Variants in MARCKS observed in about 807,000 individuals in gnomAD.
MARCKS encodes the protein myristoylated alanine-rich C-kinase substrate.
In MARCKS, 4 loss-of-function variants were observed where a neutral mutation model predicts 6.3. The observed-to-expected ratio is 0.63, with a 90% CI of 0.31 to 1.45. The LOEUF (loss-of-function observed/expected upper bound fraction) is 1.45, where lower values mean the gene tolerates loss of function less well. MARCKS is among the 40% of genes most tolerant of loss of function. The pLI is 0.07. For synonymous variants in MARCKS, 289 were observed against 236.5 expected, an observed-to-expected ratio of 1.22 and a Z score of -2.04; for missense variants, 636 against 485.7, an observed-to-expected ratio of 1.31 and a Z score of -2.91.
At chr6:113,859,567 T>C in intron 1 of MARCKS, 116 bp from the exon 2 acceptor site, 1 of 892,554 alleles carries the variant, frequency 1.1e-6, no homozygotes, top group Non-Finnish European at 1.5e-6. Flanking sequence ...GGGGGTGGGG[T>C]CTCGATGGCC....
intron 1 of MARCKS, 24 bp from the exon 2 acceptor site, chr6:113,859,659 G>A: frequency 1.4e-6 from 2 of 1,469,910 alleles, no homozygotes; most frequent in East Asian, 3.0e-5. Flanking sequence ...CTTCAGTGAC[G>A]CTCCCGCTTT....
chr6:113,862,787 T>A lies in MARCKS; in HGVS notation c.*2208T>A, dbSNP rs1774922474. On this transcript the variant is annotated 3_prime_UTR_variant, in exon 2 of 2. Coordinates refer to ENST00000612661, the MANE Select transcript of MARCKS (RefSeq NM_002356.7). ...GGAATAATGGATCAAAAATAGTGGT[T>A]CATGACCTTACCAAACACCCTTGCT... 6.6e-6 allele frequency: 1 copy of A among 152,152 alleles called. No individual in the cohort carries two copies. Among genetic ancestry groups the A allele is most frequent in the Non-Finnish European group, 1.5e-5 (1 of 67,978 alleles). The allele number at this position is 152,152 out of a possible 1,614,324, so 9.4% of individuals were successfully genotyped here.
In MARCKS at chr6:113,860,401, C is replaced by T. The variant is rs3734458; in HGVS notation, c.821C>T (p.Ala274Val). ...VEEKKAEEAG[A>V]SAAACEAPSA... ...GAGAAAAAGGCCGAGGAGGCCGGGG[C>T]CAGCGCCGCCGCCTGCGAGGCCCCC... Residue 274 changes from alanine to valine, a missense_variant, in exon 2 of 2, where the codon GCC becomes GTC. Transcript: ENST00000612661. 3.6e-4 allele frequency: 442 copies of T among 1,210,966 alleles called. 22 individuals carry two copies. The East Asian group carries it at 0.026, about 72-fold the overall frequency. The allele number at this position is 1,210,966 out of a possible 1,614,324, so 75.0% of individuals were successfully genotyped here. A position where few individuals can be genotyped will look rare whatever the true frequency, so the allele number is the denominator to read the frequency against.
At chr6:113,859,156 C>T (rs1214189518) in intron 1 of MARCKS, among the ~76,000 whole-genome samples, 2 of 152,176 alleles carry the variant, frequency 1.3e-5, no homozygotes. Context: ...CTCGGAGGGC[C>T]CCGCGCGGGC....
Position 113,857,647 on chromosome 6 carries a change from G to T in MARCKS, c.-99G>T. On this transcript the variant is annotated 5_prime_UTR_variant, in exon 1 of 2. Transcript: ENST00000612661. ...TGTGTGTGCCGCTGCCGCTGTTGCC[G>T]CCGCCGCTGCTGCTGCTGCTCGCCC... 1 of 667,310 alleles carries T rather than the reference G, an allele frequency of 1.5e-6. No individual in the cohort carries two copies. The highest frequency in any genetic ancestry group is 2.3e-6 in the Non-Finnish European group (1 of 429,704). 41.3% of individuals were successfully genotyped at this position (667,310 alleles called of 1,614,324 possible).
Position 113,859,867 on chromosome 6 carries a change from C to T in MARCKS, c.287C>T (p.Pro96Leu). 4.5e-6 allele frequency: 6 copies of T among 1,347,408 alleles called. No homozygotes were observed. Among genetic ancestry groups the T allele is most frequent in the Non-Finnish European group, 5.7e-6 (6 of 1,050,948 alleles). The allele number at this position is 1,347,408 out of a possible 1,614,324, so 83.5% of individuals were successfully genotyped here. Residue 96 changes from proline to leucine, a missense_variant, in exon 2 of 2, where the codon CCC becomes CTC. By Grantham distance (98) the Pro-to-Leu change is moderately conservative. Coordinates refer to ENST00000612661, the MANE Select transcript of MARCKS (RefSeq NM_002356.7). ...GGTGAGCCGGCCGCCGCCGCTGCCCCCGAGGCCGGGGCCAGCCCGGTAGAG... is the reference window on the plus strand; with the variant it reads ...GGTGAGCCGGCCGCCGCCGCTGCCCTCGAGGCCGGGGCCAGCCCGGTAGAG... ...EKGEPAAAAA[P>L]EAGASPVEKE...
chr6:113,859,863 GCCC>G lies in MARCKS; in HGVS notation c.286_288del (p.Pro96del), dbSNP rs1000062533. On this transcript the variant is annotated inframe_deletion, in exon 2 of 2. Coordinates refer to ENST00000612661, the MANE Select transcript of MARCKS (RefSeq NM_002356.7). ...GAAAGGTGAGCCGGCCGCCGCCGCT[GCCC>G]CCGAGGCCGGGGCCAGCCCGGTAGA... 8 of 1,328,584 alleles carry G rather than the reference GCCC, an allele frequency of 6.0e-6. No homozygotes were observed. The African/African-American group carries it at 1.3e-4, about 21-fold the overall frequency. 82.3% of individuals were successfully genotyped at this position (1,328,584 alleles called of 1,614,324 possible).
At chr6:113,859,155 C>T (rs1267732961) in intron 1 of MARCKS, among the ~76,000 whole-genome samples, 1 of 152,154 alleles carries the variant, frequency 6.6e-6, no homozygotes, top group Non-Finnish European at 1.5e-5. Context: ...GCTCGGAGGG[C>T]CCCGCGCGGG....
At chr6:113,858,577 C>A (rs894203056) in intron 1 of MARCKS, among the ~76,000 whole-genome samples, 46 of 152,188 alleles carry the variant, frequency 3.0e-4, no homozygotes, top group Non-Finnish European at 1.2e-4. Flanking sequence ...GCCTTTCGGT[C>A]GGGATTGTTC....
chr6:113,858,133 G>A (rs924120964), intron 1 of MARCKS, among the ~76,000 whole-genome samples: 43 of 152,168 alleles, frequency 2.8e-4, no homozygotes, highest in African/African-American at 9.4e-4. Flanking sequence ...CTAGCTAGGT[G>A]CCCTCCTTCC....
chr6:113,857,991 ATTTT>A, intron 1 of MARCKS, 144 bp downstream of exon 1: 1 of 756,722 alleles, frequency 1.3e-6, no homozygotes, highest in Non-Finnish European at 2.2e-6. Flanking sequence ...TAAATTGTGG[ATTTT>A]TCATAGCCGG....
chr6:113,857,812 G>T lies in MARCKS; in HGVS notation c.67G>T (p.Ala23Ser). ...CGCCGCGGAGAGGCCTGGGGAGGCG[G>T]CTGTGGCCTCGTCGCCTTCCAAAGC... ...EAAAERPGEAAVASSPSKANG... is the reference protein window; with the variant it reads ...EAAAERPGEASVASSPSKANG... Residue 23 changes from alanine (A) to serine (S), a missense_variant, in exon 1 of 2, where the codon GCT (alanine) becomes TCT (serine). Physicochemically the swap from Ala to Ser is moderately conservative, Grantham distance 99. Transcript: ENST00000612661. 1 of 1,607,198 alleles carries T rather than the reference G, an allele frequency of 6.2e-7. No individual in the cohort carries two copies.
chr6:113,860,277 G>T lies in MARCKS; in HGVS notation c.697G>T (p.Asp233Tyr). The T allele has an allele frequency of 1.7e-6, 2 of 1,203,752 alleles. No individual in the cohort carries two copies. The highest frequency in any genetic ancestry group is 3.2e-5 in the South Asian group (2 of 61,592). 74.6% of individuals were successfully genotyped at this position (1,203,752 alleles called of 1,614,324 possible). A position where few individuals can be genotyped will look rare whatever the true frequency, so the allele number is the denominator to read the frequency against. ...GGGCGAGGAGGGGGCGGCGGGTGGC[G>T]ACCCGCAGGAGGCCAAGCCCCAGGA... ...AAGEEGAAGGDPQEAKPQEAA... is the reference protein window; with the variant it reads ...AAGEEGAAGGYPQEAKPQEAA... Residue 233 changes from aspartate (D) to tyrosine (Y), a missense_variant, in exon 2 of 2, where the codon GAC becomes TAC. By Grantham distance (160) the Asp-to-Tyr change is radical. Transcript: ENST00000612661.
At chr6:113,859,475 G>T (rs1378316639) in intron 1 of MARCKS, among the ~76,000 whole-genome samples, 3 of 152,054 alleles carry the variant, frequency 2.0e-5, no homozygotes, top group Admixed American at 6.5e-5. Context: ...GTTTTCGGGG[G>T]GTCTCCAGGC....
Position 113,860,437 on chromosome 6 carries a change from G to T in MARCKS, c.857G>T (p.Gly286Val). The change falls in exon 2 of 2, where the codon GGG becomes GTG. Residue 286 changes from glycine to valine, a missense_variant. Gly to Val is a moderately radical substitution (Grantham distance 109). Transcript: ENST00000612661. ...AAACEAPSAA[G>V]PGAPPEQEAA... ...GCCTGCGAGGCCCCCTCCGCCGCCG[G>T]GCCCGGCGCGCCCCCGGAGCAGGAG... 8.5e-7 allele frequency: 1 copy of T among 1,180,786 alleles called. No homozygotes were observed. Among genetic ancestry groups the T allele is most frequent in the Non-Finnish European group, 1.1e-6 (1 of 944,970 alleles). 73.1% of individuals were successfully genotyped at this position (1,180,786 alleles called of 1,614,324 possible). A position where few individuals can be genotyped will look rare whatever the true frequency, so the allele number is the denominator to read the frequency against.
At chr6:113,859,106 C>T (rs978518310) in intron 1 of MARCKS, among the ~76,000 whole-genome samples, 1 of 152,148 alleles carries the variant, frequency 6.6e-6, no homozygotes, top group Non-Finnish European at 1.5e-5. Flanking sequence ...GGAGGCACAG[C>T]GCCCCCTGCC....
Position 113,857,737 on chromosome 6 carries a change from G to T in MARCKS, c.-9G>T, listed in dbSNP as rs1472668644. The T allele has an allele frequency of 6.9e-6, 11 of 1,596,898 alleles. No homozygotes were observed. The highest frequency in any genetic ancestry group is 1.7e-4 in the Middle Eastern group (1 of 5,770). ...GGATCTGTTGAGTTTCTTTGTTGAA[G>T]AAGCCAGCATGGGTGCCCAGTTCTC... On this transcript the variant is annotated 5_prime_UTR_variant, in exon 1 of 2. Coordinates refer to ENST00000612661, the MANE Select transcript of MARCKS (RefSeq NM_002356.7).
At chr6:113,859,416 C>T (rs1203055135) in intron 1 of MARCKS, among the ~76,000 whole-genome samples, 1 of 152,192 alleles carries the variant, frequency 6.6e-6, no homozygotes, top group Admixed American at 6.5e-5. Context: ...CTTTAGGGCA[C>T]TTGCTGAATG....
intron 1 of MARCKS, among the ~76,000 whole-genome samples, chr6:113,859,347 C>T (rs1219214314): frequency 6.6e-6 from 1 of 152,210 alleles, no homozygotes; most frequent in African/African-American, 2.4e-5. Flanking sequence ...TTCCCCCAAG[C>T]CCCCGATAAA....
Sources: gnomAD v4.1 joint callset for allele counts (sites outside exome capture counted in the v4.1 genomes callset) on GRCh38, gnomAD v4.1.1 for gene constraint, MANE v1.5 for transcripts, NCBI Gene and HGNC (gene_info 2026-07-23, HGNC 2026-07-21) for gene names.